The following NOP9 variants were observed in gnomAD, a reference collection of about 807,000 sequenced individuals.
NOP9 encodes NOP9 nucleolar protein, also known as nucleolar protein 9.
A neutral mutation model predicts 63.0 loss-of-function variants in NOP9; 50 were observed. The observed-to-expected ratio is 0.79, with a 90% confidence interval of 0.63 to 1.00. The LOEUF (loss-of-function observed/expected upper bound fraction) is 1.00, where lower values mean the gene tolerates loss of function less well. NOP9 is among the 50% of genes least tolerant of loss of function. NOP9 has a pLI of 0.00. For missense variants in NOP9, 758 were observed against 803.0 expected, an observed-to-expected ratio of 0.94 and a Z score of 0.68; for synonymous variants, 343 against 332.8, an observed-to-expected ratio of 1.03 and a Z score of -0.33.
At chr14:24,291,518 C>T in the NOP9 span, 2 of 1,605,660 alleles carry the variant, frequency 1.2e-6, no homozygotes, top group South Asian at 1.1e-5. Context: ...ACACATCCTC[C>T]ATGCCCTTTC....
chr14:24,290,581 C>T, the NOP9 span: 1 of 379,550 alleles, frequency 2.6e-6, no homozygotes, highest in Admixed American at 4.2e-5. Flanking sequence ...AGCAGAGAAT[C>T]AGCAGTCAAA....
At chr14:24,299,221 C>T, upstream of NOP9, 1 of 1,244,590 alleles carries the variant, frequency 8.0e-7, no homozygotes, top group Admixed American at 2.7e-5. Flanking sequence ...CTCACTAGGG[C>T]TAAGAGGAGG....
upstream of NOP9, chr14:24,296,897 G>C (rs2041259044): frequency 6.2e-7 from 1 of 1,613,980 alleles, no homozygotes; most frequent in African/African-American, 1.3e-5. Flanking sequence ...GTAGGACAGG[G>C]GATATGAGCT....
At chr14:24,291,296 G>GGCTCTCA in the NOP9 span, 1 of 1,468,604 alleles carries the variant, frequency 6.8e-7, no homozygotes, top group Non-Finnish European at 9.5e-7. Flanking sequence ...AGTTGGACAG[G>GGCTCTCA]GCACTGCTGA....
the NOP9 span, among the ~76,000 whole-genome samples, chr14:24,282,480 CTG>C: frequency 6.6e-6 from 1 of 152,164 alleles, no homozygotes; most frequent in Admixed American, 6.5e-5. Context: ...ACACAGGTCT[CTG>C]ATGATAGGGT....
At chr14:24,299,197 G>A, upstream of NOP9, 1 of 1,436,166 alleles carries the variant, frequency 7.0e-7, no homozygotes, top group East Asian at 2.5e-5. Context: ...CGAGGTTGGG[G>A]GGTAGGGGAG....
In NOP9 at chr14:24,305,483, A is replaced by C; in HGVS notation, c.*388A>C. 1 of 926,662 alleles carries C rather than the reference A, an allele frequency of 1.1e-6. No homozygotes were observed. Among genetic ancestry groups the C allele is most frequent in the South Asian group, 1.7e-5 (1 of 58,456 alleles). 57.4% of individuals were successfully genotyped at this position (926,662 alleles called of 1,614,324 possible). ...ACTTGGGATGTGAGGCGTTATGCTGAAAGGTTCTGTCACGAGGGGATCAGA... is the reference window on the plus strand; with the variant it reads ...ACTTGGGATGTGAGGCGTTATGCTGCAAGGTTCTGTCACGAGGGGATCAGA... On this transcript the variant is annotated 3_prime_UTR_variant, in exon 10 of 10. Transcript: ENST00000267425.
At chr14:24,282,467 A>C in the NOP9 span, among the ~76,000 whole-genome samples, 2 of 152,178 alleles carry the variant, frequency 1.3e-5, no homozygotes, top group South Asian at 4.1e-4. Flanking sequence ...AGCCCCTACA[A>C]TAACACAGGT....
At chr14:24,282,929 C>CA in the NOP9 span, among the ~76,000 whole-genome samples, 20,896 of 152,110 alleles carry the variant, frequency 0.14, 2,085 homozygotes, top group East Asian at 0.5. Context: ...CTATTCGCCC[C>CA]CACAGCTGGC....
chr14:24,307,525 G>A lies in NOP9; in HGVS notation c.*2430G>A. ...TATATTAGATACTGACCTGGTAGTT[G>A]AGAAGAAAAGTCAAGAAGGGGCGAG... On this transcript the variant is annotated 3_prime_UTR_variant, in exon 10 of 10. Coordinates refer to ENST00000267425, the MANE Select transcript of NOP9 (RefSeq NM_174913.3). 1 of 1,611,798 alleles carries A rather than the reference G, an allele frequency of 6.2e-7. No homozygotes were observed.
chr14:24,284,759 G>A, the NOP9 span, among the ~76,000 whole-genome samples: 4,582 of 152,264 alleles, frequency 0.03, 240 homozygotes, highest in African/African-American at 0.11. Flanking sequence ...GGCCTTTGGC[G>A]GTCGTGGGTG....
Position 24,308,026 on chromosome 14 carries a change from A to G in NOP9, c.*2931A>G, listed in dbSNP as rs557151526. 71 of 662,142 alleles carry G rather than the reference A, an allele frequency of 1.1e-4. No homozygotes were observed. Among genetic ancestry groups the G allele is most frequent in the Non-Finnish European group, 1.7e-4 (63 of 364,156 alleles). The allele number at this position is 662,142 out of a possible 1,614,324, so 41.0% of individuals were successfully genotyped here. On this transcript the variant is annotated 3_prime_UTR_variant, in exon 10 of 10. Transcript: ENST00000267425. Reference sequence around the variant, plus strand: ...CCCTGCCTGGCCAGTAAGAAGGGCAAAGTCCAAGGGGAGGGATGAGGGAGG... The same window carrying G: ...CCCTGCCTGGCCAGTAAGAAGGGCAGAGTCCAAGGGGAGGGATGAGGGAGG...
chr14:24,306,142 A>T lies in NOP9; in HGVS notation c.*1047A>T. The T allele has an allele frequency of 6.2e-7, 1 of 1,612,570 alleles. No homozygotes were observed. Among genetic ancestry groups the T allele is most frequent in the Non-Finnish European group, 8.5e-7 (1 of 1,179,114 alleles). Reference sequence around the variant, plus strand: ...GCCATATGACAGCACTCCACTCTGTAGGACACCCTTGTCAGTGCAGTAGAT... The same window carrying T: ...GCCATATGACAGCACTCCACTCTGTTGGACACCCTTGTCAGTGCAGTAGAT... On this transcript the variant is annotated 3_prime_UTR_variant, in exon 10 of 10. Transcript: ENST00000267425.
the NOP9 span, among the ~76,000 whole-genome samples, chr14:24,286,849 C>T: frequency 7.9e-5 from 12 of 152,054 alleles, no homozygotes; most frequent in Non-Finnish European, 1.5e-4. Context: ...GTCTCGGCCT[C>T]CCAAAGTGCT....
In NOP9 at chr14:24,300,606, C is replaced by T. The variant is rs1283629061; in HGVS notation, c.446C>T (p.Ala149Val). The T allele has an allele frequency of 6.2e-7, 1 of 1,613,948 alleles. No individual in the cohort carries two copies. The highest frequency in any genetic ancestry group is 8.5e-7 in the Non-Finnish European group (1 of 1,180,026). Reference sequence around the variant, plus strand: ...TGCGGGGTCCATGTATTACAAAGTGCTTTGCTACAGCTCCCTCGATTGCTG... The same window carrying T: ...TGCGGGGTCCATGTATTACAAAGTGTTTTGCTACAGCTCCCTCGATTGCTG... Reference protein sequence around the residue: ...HRCGVHVLQSALLQLPRLLGS... With the variant: ...HRCGVHVLQSVLLQLPRLLGS... Residue 149 changes from alanine (A) to valine (V), a missense_variant, in exon 2 of 10, where the codon GCT becomes GTT. Coordinates refer to ENST00000267425, the MANE Select transcript of NOP9 (RefSeq NM_174913.3).
At chr14:24,273,999 G>T in the NOP9 span, among the ~76,000 whole-genome samples, 1 of 152,264 alleles carries the variant, frequency 6.6e-6, no homozygotes, top group Admixed American at 6.5e-5. Flanking sequence ...ACTAAGTAAG[G>T]GCTCAGTATA....
At position 24,304,541 on chromosome 14, in the gene NOP9, G is replaced by C; in HGVS notation, c.1696G>C (p.Asp566His). 3 of 1,613,932 alleles carry C rather than the reference G, an allele frequency of 1.9e-6. No individual in the cohort carries two copies. The highest frequency in any genetic ancestry group is 2.5e-6 in the Non-Finnish European group (3 of 1,179,962). The change falls in exon 9 of 10, where the codon GAT becomes CAT. Residue 566 changes from aspartate (D) to histidine (H), a missense_variant. Transcript: ENST00000267425. ...ACSRHGSRVL[D>H]AIWSGAALRA... is the part of the protein sequence containing the mutation. ...TAGTCGCCATGGCAGCCGTGTGCTA[G>C]ATGCCATCTGGAGTGGAGCAGCCTT...
Position 24,306,086 on chromosome 14 carries a change from C to T in NOP9, c.*991C>T. 1 of 1,614,138 alleles carries T rather than the reference C, an allele frequency of 6.2e-7. No individual in the cohort carries two copies. Among genetic ancestry groups the T allele is most frequent in the South Asian group, 1.1e-5 (1 of 91,084 alleles). On this transcript the variant is annotated 3_prime_UTR_variant, in exon 10 of 10. Coordinates refer to ENST00000267425, the MANE Select transcript of NOP9 (RefSeq NM_174913.3). Reference sequence around the variant, plus strand: ...ACGTCAAAGGTGAATCGGGCGATGTCCTTGCTGTGCTTGGGCCTCTCCCGT... The same window carrying T: ...ACGTCAAAGGTGAATCGGGCGATGTTCTTGCTGTGCTTGGGCCTCTCCCGT...
the NOP9 span, among the ~76,000 whole-genome samples, chr14:24,284,467 T>C: frequency 1.5e-3 from 225 of 151,792 alleles, no homozygotes; most frequent in Non-Finnish European, 2.5e-3. Context: ...GTGATAGGGC[T>C]GAGGGGTCAG....
Sources: gnomAD v4.1 joint callset for allele counts (sites outside exome capture counted in the v4.1 genomes callset) on GRCh38, gnomAD v4.1.1 for gene constraint, MANE v1.5 for transcripts, NCBI Gene and HGNC (gene_info 2026-07-23, HGNC 2026-07-21) for gene names.